The following PCDHGB2 variants were observed in gnomAD, a reference collection of about 807,000 sequenced individuals.
The protein encoded by PCDHGB2 is protocadherin gamma-B2.
In PCDHGB2, 55 loss-of-function variants were observed where a neutral mutation model predicts 59.3. The observed-to-expected ratio is 0.93, with a 90% CI of 0.75 to 1.16. The LOEUF (loss-of-function observed/expected upper bound fraction) is 1.16, where lower values mean the gene tolerates loss of function less well. PCDHGB2 is among the 50% of genes most tolerant of loss of function. The pLI is 0.00. For synonymous variants in PCDHGB2, 516 were observed against 512.0 expected (o/e 1.01, Z -0.11); for missense variants, 1,228 against 1,198.5 (o/e 1.02, Z -0.36).
intron 1 of PCDHGB2, among the ~76,000 whole-genome samples, chr5:141,492,886 C>A (rs1479930324): frequency 6.6e-6 from 1 of 152,178 alleles, no homozygotes; most frequent in African/African-American, 2.4e-5. Context: ...GAGATACAGG[C>A]TTTTGGCGCC....
rs368105487 is a variant in PCDHGB2 at position 141,489,478 on chromosome 5, A to G, written c.2422-5329A>G. On this transcript the variant is annotated intron_variant, in intron 1 of 3. Transcript: ENST00000522605. This position sits in a 1 kb window ranked among gnomAD's most constrained non-coding sequence, Gnocchi z 4.5. Reference sequence around the variant, plus strand: ...TGGGCGCTATTTTTCCCTGAGCTTGATGAGTGGTGCCCTGGCAGTGAATCA... The same window carrying G: ...TGGGCGCTATTTTTCCCTGAGCTTGGTGAGTGGTGCCCTGGCAGTGAATCA... The G allele has an allele frequency of 1.1e-5, 18 of 1,613,956 alleles. No individual in the cohort carries two copies. The highest frequency in any genetic ancestry group is 1.5e-5 in the Non-Finnish European group (18 of 1,180,030).
intron 1 of PCDHGB2, chr5:141,409,612 C>T: frequency 6.2e-7 from 1 of 1,613,908 alleles, no homozygotes; most frequent in Non-Finnish European, 8.5e-7. Flanking sequence ...CAGGAGCCTC[C>T]ATTGCGCAAG....
rs147057088 is a variant in PCDHGB2 at position 141,432,065 on chromosome 5, A to C, written c.2422-62742A>C. 6.2e-7 allele frequency: 1 copy of C among 1,613,930 alleles called. No individual in the cohort carries two copies. Among genetic ancestry groups the C allele is most frequent in the Non-Finnish European group, 8.5e-7 (1 of 1,180,014 alleles). On this transcript the variant is annotated intron_variant, in intron 1 of 3. Coordinates refer to ENST00000522605, the MANE Select transcript of PCDHGB2 (RefSeq NM_018923.3). This position sits in a 1 kb window ranked among gnomAD's most constrained non-coding sequence, Gnocchi z 6.0. ...GGGAACCCCGCCCCTATCCACGGAA[A>C]CTCATATCTCGCTGAACGTGGCAGA...
chr5:141,364,809 C>G, intron 1 of PCDHGB2: 23 of 1,613,952 alleles, frequency 1.4e-5, no homozygotes, highest in Non-Finnish European at 1.9e-5. Flanking sequence ...GCGCGGGATG[C>G]GGATGTGGGT....
At chr5:141,380,859 A>G (rs1428223236) in intron 1 of PCDHGB2, among the ~76,000 whole-genome samples, 1 of 152,262 alleles carries the variant, frequency 6.6e-6, no homozygotes, top group Non-Finnish European at 1.5e-5. Context: ...AGACATTGAG[A>G]GCTATAACCT....
chr5:141,477,211 C>G lies in PCDHGB2; in HGVS notation c.2422-17596C>G. 2 of 1,614,154 alleles carry G rather than the reference C, an allele frequency of 1.2e-6. No individual in the cohort carries two copies. Among genetic ancestry groups the G allele is most frequent in the Non-Finnish European group, 1.7e-6 (2 of 1,180,036 alleles). On this transcript the variant is annotated intron_variant, in intron 1 of 3. Transcript: ENST00000522605. The surrounding 1 kb of genome is among the most constrained non-coding windows in gnomAD (Gnocchi z 4.9). ...TGTACAGCCCAGTACCCGAGGATGC[C>G]CCTCTGGGGACTGTCATCGCTTTGC...
chr5:141,413,150 T>C, intron 1 of PCDHGB2: 1 of 1,573,292 alleles, frequency 6.4e-7, no homozygotes. Context: ...AGTGAGGACT[T>C]TGCAGAATTC....
chr5:141,375,952 G>A (rs1032808913), intron 1 of PCDHGB2: 2 of 1,613,396 alleles, frequency 1.2e-6, no homozygotes, highest in Non-Finnish European at 1.7e-6. Context: ...GCCTGCACAC[G>A]GGCGAGGTGC....
rs9324852 is a variant in PCDHGB2, at chr5:141,510,333, C to T, written c.2570-614C>T. On this transcript the variant is annotated intron_variant, in intron 3 of 3. Coordinates refer to ENST00000522605, the MANE Select transcript of PCDHGB2 (RefSeq NM_018923.3). ...AGGCTTGGAAGAGCACTCTTCACCC[C>T]CACCCCACACACTTACTAACGGAAC... Among the ~76,000 whole-genome samples the T allele has an allele frequency of 2.4e-3, 367 of 151,698 alleles. 1 individual carries two copies. Among genetic ancestry groups the T allele is most frequent in the African/African-American group, 8.4e-3 (348 of 41,384 alleles).
chr5:141,413,385 A>C, intron 1 of PCDHGB2: 1 of 1,613,990 alleles, frequency 6.2e-7, no homozygotes, highest in South Asian at 1.1e-5. Flanking sequence ...GAGTCCGCAT[A>C]GTCTCCAGAG....
intron 1 of PCDHGB2, chr5:141,379,281 T>G (rs1775489510): frequency 2.6e-5 from 4 of 152,252 alleles, no homozygotes; most frequent in Admixed American, 2.6e-4. Context: ...ATTTATTTAT[T>G]TCAAGTTTCC....
intron 2 of PCDHGB2, among the ~76,000 whole-genome samples, chr5:141,499,829 G>A (rs1322405697): frequency 6.6e-6 from 1 of 151,548 alleles, no homozygotes; most frequent in African/African-American, 2.4e-5. Context: ...TAGGATTACA[G>A]GTGTGCACCA....
intron 1 of PCDHGB2, chr5:141,371,329 G>A: frequency 6.2e-7 from 1 of 1,613,968 alleles, no homozygotes; most frequent in Non-Finnish European, 8.5e-7. Flanking sequence ...TTTGAAGAGA[G>A]AGATAGCTAC....
chr5:141,449,916 T>C (rs1453191109), intron 1 of PCDHGB2, among the ~76,000 whole-genome samples: 1 of 151,912 alleles, frequency 6.6e-6, no homozygotes, highest in East Asian at 1.9e-4. Context: ...CATATTTAAA[T>C]TCTACCATAC....
At chr5:141,433,877 A>G (rs1481965040) in intron 1 of PCDHGB2, among the ~76,000 whole-genome samples, 5 of 151,470 alleles carry the variant, frequency 3.3e-5, no homozygotes, top group Admixed American at 6.6e-5. Context: ...AGTTTCATCC[A>G]TTGATGACAC....
At chr5:141,374,689 G>T in intron 1 of PCDHGB2, 2 of 1,609,578 alleles carry the variant, frequency 1.2e-6, no homozygotes, top group East Asian at 4.5e-5. Flanking sequence ...CACTGGACCG[G>T]GAAGGAGAAG....
chr5:141,454,228 T>C (rs6896225), intron 1 of PCDHGB2, among the ~76,000 whole-genome samples: 1,935 of 152,208 alleles, frequency 0.013, 54 homozygotes, highest in African/African-American at 0.044. Flanking sequence ...AAAGTAATTG[T>C]GATGAAAAGG....
chr5:141,439,364 G>A (rs1561894836), intron 1 of PCDHGB2, among the ~76,000 whole-genome samples: 2 of 152,142 alleles, frequency 1.3e-5, no homozygotes, highest in Admixed American at 1.3e-4. Context: ...CAAACATCAA[G>A]AAGAAATAAA....
intron 1 of PCDHGB2, chr5:141,389,451 C>T: frequency 6.2e-7 from 1 of 1,610,536 alleles, no homozygotes; most frequent in South Asian, 1.1e-5. Context: ...CCACGAGCAG[C>T]TGCGCGCCTT....
Sources: allele counts gnomAD v4.1 joint callset (sites outside exome capture counted in the v4.1 genomes callset), GRCh38; gene constraint gnomAD v4.1.1; non-coding constraint Gnocchi (gnomAD v3.1); transcripts MANE v1.5; gene names NCBI Gene and HGNC (gene_info 2026-07-23, HGNC 2026-07-21).